PRR5L: variants seen among roughly 807,000 people sequenced by gnomAD.
The protein encoded by PRR5L is proline rich 5 like.
A neutral mutation model predicts 36.4 loss-of-function variants in PRR5L; 21 were observed. The observed-to-expected ratio is 0.58, with a 90% confidence interval of 0.41 to 0.83. The LOEUF is 0.83. Among genes scored for constraint, PRR5L ranks in the 40% least tolerant of loss-of-function variants. The pLI is 0.00. For synonymous variants in PRR5L, 188 were observed against 197.0 expected (o/e 0.95, Z 0.38); for missense variants, 381 against 473.3 (o/e 0.80, Z 1.81).
At position 36,314,667 on chromosome 11, in the gene PRR5L, C is replaced by T. The variant is rs531470125; in HGVS notation, c.-126+18229C>T. Among the ~76,000 whole-genome samples the T allele has an allele frequency of 3.3e-5, 5 of 152,298 alleles. No individual in the cohort carries two copies. In the East Asian group the frequency reaches 9.7e-4, roughly 29 times the overall value. On this transcript the variant is annotated intron_variant, in intron 1 of 8. Transcript: ENST00000530639. ...TAAGCGGAGCTGTTTAGCTCTGTCCCTGCTCTGACCCTCAATATTACTCCA... is the reference window on the plus strand; with the variant it reads ...TAAGCGGAGCTGTTTAGCTCTGTCCTTGCTCTGACCCTCAATATTACTCCA...
chr11:36,328,841 C>T (rs551859602), intron 1 of PRR5L, among the ~76,000 whole-genome samples: 1 of 152,300 alleles, frequency 6.6e-6, no homozygotes, highest in South Asian at 2.1e-4. Context: ...TTCTGGTTCT[C>T]TTCATTCCCT....
At chr11:36,323,402 T>C (rs545431702) in intron 1 of PRR5L, 36 of 152,372 alleles carry the variant, frequency 2.4e-4, no homozygotes, top group African/African-American at 8.4e-4. Flanking sequence ...GAGCATCAAC[T>C]TGGGTTCATC....
intron 1 of PRR5L, among the ~76,000 whole-genome samples, chr11:36,373,493 G>C (rs1857217773): frequency 6.6e-6 from 1 of 151,942 alleles, no homozygotes; most frequent in South Asian, 2.1e-4. Context: ...CCAGTGCTTT[G>C]GGAGGCTGAG....
chr11:36,347,079 G>A (rs913195408), intron 1 of PRR5L, among the ~76,000 whole-genome samples: 1 of 152,142 alleles, frequency 6.6e-6, no homozygotes, highest in African/African-American at 2.4e-5. Flanking sequence ...TTTGAATATC[G>A]TGTATGTGTT....
At chr11:36,369,709 C>T (rs556847214) in intron 1 of PRR5L, among the ~76,000 whole-genome samples, 4 of 152,312 alleles carry the variant, frequency 2.6e-5, no homozygotes, top group African/African-American at 9.6e-5. Flanking sequence ...ATTCTCCTGC[C>T]TCAGCCTCCC....
rs1010847066 is a variant in PRR5L, at chr11:36,302,602, A to G, written c.-126+6164A>G. 8.5e-5 allele frequency among the ~76,000 whole-genome samples: 13 copies of G among 152,134 alleles called. No individual in the cohort carries two copies. The East Asian group carries it at 2.5e-3, about 29-fold the overall frequency. ...GGAGTTCGAGACCAGCCTAGGCAAC[A>G]TGGCGAAAACCCATCTCTACTAAAC... On this transcript the variant is annotated intron_variant, in intron 1 of 8. Coordinates refer to ENST00000530639, the MANE Select transcript of PRR5L (RefSeq NM_001160167.2).
intron 1 of PRR5L, among the ~76,000 whole-genome samples, chr11:36,361,401 CT>C (rs1857086247): frequency 6.6e-6 from 1 of 152,152 alleles, no homozygotes; most frequent in African/African-American, 2.4e-5. Flanking sequence ...TTTGTAATGG[CT>C]TTTAAAATTA....
chr11:36,363,503 G>C (rs1857114417), intron 1 of PRR5L, among the ~76,000 whole-genome samples: 2 of 152,184 alleles, frequency 1.3e-5, no homozygotes, highest in South Asian at 4.1e-4. Flanking sequence ...AAGCTCTTTT[G>C]CCCCTTCTGA....
At position 36,314,005 on chromosome 11, in the gene PRR5L, G is replaced by A. The variant is rs116454876; in HGVS notation, c.-126+17567G>A. Among the ~76,000 whole-genome samples, 362 of 152,240 alleles carry A rather than the reference G, an allele frequency of 2.4e-3. 1 individual carries two copies. Among genetic ancestry groups the A allele is most frequent in the African/African-American group, 7.8e-3 (324 of 41,538 alleles). On this transcript the variant is annotated intron_variant, in intron 1 of 8. Coordinates refer to ENST00000530639, the MANE Select transcript of PRR5L (RefSeq NM_001160167.2). ...TGACCTAGTTATTTAAATTCCATGT[G>A]CTTCAATTTCTCTGATGTAAAATGG... is the stretch of plus-strand genomic sequence containing the variant.
At chr11:36,351,610 T>TG (rs1856965104) in intron 1 of PRR5L, among the ~76,000 whole-genome samples, 1 of 2,124 alleles carries the variant, frequency 4.7e-4, no homozygotes, top group Non-Finnish European at 7.4e-4. Flanking sequence ...TAAATATATA[T>TG]TTATATATTT....
chr11:36,403,829 A>T (rs1220059533), intron 3 of PRR5L, among the ~76,000 whole-genome samples: 2 of 152,232 alleles, frequency 1.3e-5, no homozygotes, highest in Non-Finnish European at 2.9e-5. Flanking sequence ...CAAGGACCAA[A>T]GACAGACATG....
intron 1 of PRR5L, among the ~76,000 whole-genome samples, chr11:36,307,919 G>A (rs1856452201): frequency 6.6e-6 from 1 of 152,174 alleles, no homozygotes; most frequent in African/African-American, 2.4e-5. Context: ...AATTTTTCTT[G>A]AAATCTCTTT....
At chr11:36,451,757 C>T (rs944264593) in intron 8 of PRR5L, among the ~76,000 whole-genome samples, 3 of 152,182 alleles carry the variant, frequency 2.0e-5, no homozygotes, top group Non-Finnish European at 4.4e-5. Context: ...AATGTCAGGC[C>T]AACTTGTATG....
intron 1 of PRR5L, among the ~76,000 whole-genome samples, chr11:36,320,146 C>T (rs573046009): frequency 2.0e-5 from 3 of 152,202 alleles, no homozygotes; most frequent in Admixed American, 2.0e-4. Flanking sequence ...CGTCGTACCT[C>T]TGCCCCTACT....
intron 1 of PRR5L, chr11:36,350,191 TGGGTGGGTGTGAGTGTGTGTG>T: frequency 1.3e-4 from 1 of 7,522 alleles, no homozygotes; most frequent in South Asian, 4.2e-3. Context: ...TGTGGGAGGG[TGGGTGGGTGTGAGTGTGTGTG>T]GGGTGGGTGT....
chr11:36,462,492 G>A lies in PRR5L; in HGVS notation c.863G>A (p.Arg288Gln), dbSNP rs1859208136. Residue 288 changes from arginine (R) to glutamine (Q), a missense_variant, in exon 9 of 9, where the codon CGG becomes CAG. Arg to Gln is a conservative substitution (Grantham distance 43, BLOSUM62 1). Coordinates refer to ENST00000530639, the MANE Select transcript of PRR5L (RefSeq NM_001160167.2). ...TACCTGGAGAAGTGTGGCAGCGTGC[G>A]GCGGCACACGGTGGCCAATGCCCAC... ...EAYLEKCGSV[R>Q]RHTVANAHSD... 5.6e-6 allele frequency: 9 copies of A among 1,608,444 alleles called. No individual in the cohort carries two copies. Among genetic ancestry groups the A allele is most frequent in the African/African-American group, 2.7e-5 (2 of 74,894 alleles).
At chr11:36,358,694 CA>C (rs1269615439) in intron 1 of PRR5L, among the ~76,000 whole-genome samples, 1 of 152,156 alleles carries the variant, frequency 6.6e-6, no homozygotes, top group African/African-American at 2.4e-5. Context: ...AAGAATTTGG[CA>C]GTAACTGTCA....
intron 1 of PRR5L, among the ~76,000 whole-genome samples, chr11:36,299,746 T>G (rs1856353961): frequency 6.6e-6 from 1 of 152,150 alleles, no homozygotes; most frequent in Admixed American, 6.5e-5. Flanking sequence ...GAGTAGAGAT[T>G]CAAGCTTTAA....
At chr11:36,400,870 G>A (rs940643384) in intron 1 of PRR5L, 127 bp from the exon 2 acceptor site, 10 of 633,120 alleles carry the variant, frequency 1.6e-5, no homozygotes, top group Non-Finnish European at 2.1e-5. Context: ...ACCTGCCAGG[G>A]AATAGATGCT....
Sources: allele counts gnomAD v4.1 joint callset (sites outside exome capture counted in the v4.1 genomes callset), GRCh38; gene constraint gnomAD v4.1.1; transcripts MANE v1.5; gene names NCBI Gene and HGNC (gene_info 2026-07-23, HGNC 2026-07-21).